A4GALT: variants seen among roughly 807,000 people sequenced by gnomAD.
A4GALT encodes the protein alpha 1,4-galactosyltransferase (P1PK blood group), also known as lactosylceramide 4-alpha-galactosyltransferase.
For missense variants in A4GALT, 512 were observed against 486.0 expected (o/e 1.05, Z -0.50); for synonymous variants, 257 against 220.7 (o/e 1.16, Z -1.46).
chr22:42,697,699 C>T (rs1379723739), intron 1 of A4GALT, among the ~76,000 whole-genome samples: 2 of 152,204 alleles, frequency 1.3e-5, no homozygotes, highest in Non-Finnish European at 2.9e-5. Context: ...TCCAGGTGAC[C>T]TCAGGCCCAA....
chr22:42,701,663 C>G (rs1485698326), intron 1 of A4GALT, among the ~76,000 whole-genome samples: 7 of 152,332 alleles, frequency 4.6e-5, no homozygotes, highest in African/African-American at 1.7e-4. Context: ...GCCCTGCTCC[C>G]TGGCTGTTGC....
chr22:42,718,923 C>T, intron 1 of A4GALT, among the ~76,000 whole-genome samples: 1 of 152,186 alleles, frequency 6.6e-6, no homozygotes, highest in East Asian at 1.9e-4. Context: ...TGGAGGCCGT[C>T]CACCTGCCAC....
chr22:42,708,395 T>A (rs13056472), intron 1 of A4GALT, among the ~76,000 whole-genome samples: 31,653 of 151,622 alleles, frequency 0.21, 4,144 homozygotes, highest in South Asian at 0.35. Context: ...TAAAAAAATT[T>A]AGCCAGGTGT....
chr22:42,697,341 G>C (rs908089863), intron 1 of A4GALT, among the ~76,000 whole-genome samples: 1 of 152,176 alleles, frequency 6.6e-6, no homozygotes, highest in African/African-American at 2.4e-5. Context: ...AGCAAGGACA[G>C]GGCTGTGGTG....
chr22:42,700,655 C>A (rs1931239076), intron 1 of A4GALT, among the ~76,000 whole-genome samples: 2 of 152,168 alleles, frequency 1.3e-5, no homozygotes, highest in Admixed American at 6.5e-5. Context: ...ACGGGTGCTC[C>A]CACTGTGTCA....
intron 1 of A4GALT, among the ~76,000 whole-genome samples, chr22:42,700,153 C>A (rs781348834): frequency 6.6e-6 from 1 of 152,140 alleles, no homozygotes; most frequent in Non-Finnish European, 1.5e-5. Flanking sequence ...ATGGGGCCAC[C>A]GCGCCCAGCG....
intron 1 of A4GALT, among the ~76,000 whole-genome samples, chr22:42,704,024 C>G (rs1484734887): frequency 1.3e-5 from 2 of 152,180 alleles, no homozygotes; most frequent in African/African-American, 4.8e-5. Flanking sequence ...TCAGACCCCC[C>G]TTGATGTGAA....
At chr22:42,696,298 T>C (rs1482033254) in intron 1 of A4GALT, among the ~76,000 whole-genome samples, 1 of 150,830 alleles carries the variant, frequency 6.6e-6, no homozygotes, top group Admixed American at 6.6e-5. Flanking sequence ...CGCATGCCTG[T>C]AATCCCAGCT....
chr22:42,716,407 T>C (rs1010247727), intron 1 of A4GALT, among the ~76,000 whole-genome samples: 1 of 152,176 alleles, frequency 6.6e-6, no homozygotes, highest in African/African-American at 2.4e-5. Flanking sequence ...TGTGGTTTAA[T>C]AGTAACAATG....
chr22:42,699,499 G>C (rs373021077), intron 1 of A4GALT, among the ~76,000 whole-genome samples: 1 of 152,152 alleles, frequency 6.6e-6, no homozygotes, highest in Non-Finnish European at 1.5e-5. Context: ...CACATCACTC[G>C]ACATTTCCTT....
chr22:42,697,288 A>G (rs1321484396), intron 1 of A4GALT, among the ~76,000 whole-genome samples: 3 of 151,960 alleles, frequency 2.0e-5, no homozygotes, highest in Non-Finnish European at 4.4e-5. Flanking sequence ...GCCAGTGCGA[A>G]AGGTGGGGGG....
At chr22:42,716,576 C>T (rs569972073) in intron 1 of A4GALT, among the ~76,000 whole-genome samples, 3 of 152,138 alleles carry the variant, frequency 2.0e-5, no homozygotes, top group Non-Finnish European at 4.4e-5. Flanking sequence ...AGCGGCAGAG[C>T]GGGGTTCAAA....
chr22:42,698,910 A>G (rs1194178696), intron 1 of A4GALT, among the ~76,000 whole-genome samples: 1 of 151,586 alleles, frequency 6.6e-6, no homozygotes, highest in Non-Finnish European at 1.5e-5. Flanking sequence ...CTACACTCCC[A>G]CCAGCACCGT....
intron 1 of A4GALT, among the ~76,000 whole-genome samples, chr22:42,702,324 C>G (rs1920927527): frequency 6.6e-6 from 1 of 151,584 alleles, no homozygotes; most frequent in Non-Finnish European, 1.5e-5. Flanking sequence ...GCTCCCCCAC[C>G]AGAGGAACAC....
intron 1 of A4GALT, among the ~76,000 whole-genome samples, chr22:42,706,404 AAAAG>A (rs1921137978): frequency 6.6e-6 from 1 of 151,732 alleles, no homozygotes; most frequent in Non-Finnish European, 1.5e-5. Context: ...TTGAAGGAGA[AAAAG>A]ATTTTTAGAT....
intron 1 of A4GALT, among the ~76,000 whole-genome samples, chr22:42,698,628 G>A (rs1052545893): frequency 6.6e-6 from 1 of 152,160 alleles, no homozygotes; most frequent in East Asian, 1.9e-4. Context: ...ATGTCCTGAC[G>A]GGAACACAGA....
rs117547198 is a variant in A4GALT at position 42,704,128 on chromosome 22, A to G, written c.-187-8497T>C. ...ACAATCTTTCAAGGCACAAATAAAT[A>G]TAATATTTCTACCCAAGAAGTAAGA... On this transcript the variant is annotated intron_variant, in intron 1 of 2. Transcript: ENST00000642412. Among the ~76,000 whole-genome samples the G allele has an allele frequency of 3.1e-3, 478 of 152,242 alleles. 11 individuals carry two copies. Among genetic ancestry groups the G allele is most frequent in the Admixed American group, 0.025 (382 of 15,276 alleles).
Position 42,706,354 on chromosome 22 carries a change from C to CAAAA in A4GALT, c.-187-10727_-187-10724dup, listed in dbSNP as rs1164664187. 3.3e-3 allele frequency among the ~76,000 whole-genome samples: 280 copies of CAAAA among 83,742 alleles called. 40 individuals are homozygous for CAAAA. Among genetic ancestry groups the CAAAA allele is most frequent in the East Asian group, 0.014 (35 of 2,582 alleles). The allele number at this position is 83,742 out of a possible 152,430, so 54.9% of individuals were successfully genotyped here. On this transcript the variant is annotated intron_variant, in intron 1 of 2. Transcript: ENST00000642412. ...TGGGTGACAGAGCGAGACTCCATCC[C>CAAAA]AAAAAAAAAAAAAAAAAAAAAAAGT... is the stretch of plus-strand genomic sequence containing the variant.
Position 42,713,968 on chromosome 22 carries a change from A to C in A4GALT, c.-188+6829T>G, listed in dbSNP as rs368472125. ...ATACCAGCCTGGGCAACGCAGGAAG[A>C]CCTCATCTCTACAAAAAATAAAAAT... On this transcript the variant is annotated intron_variant, in intron 1 of 2. Coordinates refer to ENST00000642412, the MANE Select transcript of A4GALT (RefSeq NM_017436.7). Among the ~76,000 whole-genome samples the C allele has an allele frequency of 5.0e-4, 76 of 151,666 alleles. 3 individuals are homozygous for C. The South Asian group carries it at 0.015, about 30-fold the overall frequency.
Sources: allele counts gnomAD v4.1 joint callset (sites outside exome capture counted in the v4.1 genomes callset), GRCh38; gene constraint gnomAD v4.1.1; transcripts MANE v1.5; gene names NCBI Gene and HGNC (gene_info 2026-07-23, HGNC 2026-07-21).